Variants in PRMT3 observed in about 807,000 individuals in gnomAD.
PRMT3 encodes protein arginine N-methyltransferase 3.
In PRMT3, 62 loss-of-function variants were observed where a neutral mutation model predicts 71.9. That is an observed-to-expected ratio of 0.86 (90% CI 0.70 to 1.07). The LOEUF is 1.07. Ranked by LOEUF, PRMT3 falls within the 50% of genes least tolerant of loss-of-function variation. PRMT3 has a pLI of 0.00. For synonymous variants in PRMT3, 213 were observed against 220.4 expected (o/e 0.97, Z 0.30); for missense variants, 663 against 643.0 (o/e 1.03, Z -0.34).
At chr11:20,495,902 T>G (rs1354658849) in intron 15 of PRMT3, among the ~76,000 whole-genome samples, 1 of 152,158 alleles carries the variant, frequency 6.6e-6, no homozygotes, top group Non-Finnish European at 1.5e-5. Context: ...TGTCCATCAA[T>G]TGGGGGAAGA....
chr11:20,452,128 A>G lies in PRMT3; in HGVS notation c.994-2A>G, dbSNP rs1026594899. 2 of 1,596,320 alleles carry G rather than the reference A, an allele frequency of 1.3e-6. No homozygotes were observed. The highest frequency in any genetic ancestry group is 1.3e-5 in the African/African-American group (1 of 74,440). On this transcript the variant is annotated splice_acceptor_variant, in intron 10 of 15. Transcript: ENST00000331079. LOFTEE classifies it high-confidence loss of function. ...CTCTTTTTTTCCCCTTTTTTTATGC[A>G]GGGCTATTTTCTTCTGTTTGAGTCT... is the stretch of plus-strand genomic sequence containing the variant.
chr11:20,431,329 T>G (rs369919583), intron 10 of PRMT3, among the ~76,000 whole-genome samples: 1 of 152,158 alleles, frequency 6.6e-6, no homozygotes, highest in African/African-American at 2.4e-5. Context: ...AGTTTCCTTC[T>G]CTATAAAATG....
chr11:20,397,768 A>G, intron 7 of PRMT3, 47 bp downstream of exon 7: 2 of 1,593,354 alleles, frequency 1.3e-6, no homozygotes, highest in South Asian at 1.1e-5. Context: ...AAGGAAAAAT[A>G]GAACAGGTTC....
At chr11:20,454,585 C>T (rs1160844532) in intron 11 of PRMT3, among the ~76,000 whole-genome samples, 1 of 152,108 alleles carries the variant, frequency 6.6e-6, no homozygotes, top group Non-Finnish European at 1.5e-5. Context: ...AAAGAAAGTT[C>T]AGAAAAGAGT....
At chr11:20,423,907 A>G (rs976578725) in intron 9 of PRMT3, among the ~76,000 whole-genome samples, 11 of 136,542 alleles carry the variant, frequency 8.1e-5, no homozygotes, top group Admixed American at 7.5e-4. Context: ...AAAAAAGGCC[A>G]GGCGCGGTGG....
chr11:20,484,173 G>C (rs568641874), intron 13 of PRMT3, among the ~76,000 whole-genome samples: 2 of 152,146 alleles, frequency 1.3e-5, no homozygotes, highest in Non-Finnish European at 2.9e-5. Flanking sequence ...ATGCAGAGGC[G>C]AACAAAGAAA....
chr11:20,482,587 A>G (rs1248544886), intron 13 of PRMT3, among the ~76,000 whole-genome samples: 1 of 152,090 alleles, frequency 6.6e-6, no homozygotes. Context: ...AGATTGTGAT[A>G]AGAAATGAGT....
chr11:20,480,525 G>A (rs35011491), intron 13 of PRMT3, among the ~76,000 whole-genome samples: 5,285 of 152,194 alleles, frequency 0.035, 125 homozygotes, highest in Middle Eastern at 0.082. Flanking sequence ...CTATTTGGCC[G>A]TTTCAGTTGT....
At chr11:20,453,318 TAA>T (rs35130616) in intron 11 of PRMT3, among the ~76,000 whole-genome samples, 74 of 96,752 alleles carry the variant, frequency 7.6e-4, no homozygotes, top group South Asian at 6.9e-4. Context: ...CCGTCTTTAC[TAA>T]AAAAAAAAAA....
At chr11:20,474,885 G>T (rs1850741990) in intron 13 of PRMT3, among the ~76,000 whole-genome samples, 1 of 152,206 alleles carries the variant, frequency 6.6e-6, no homozygotes, top group Non-Finnish European at 1.5e-5. Flanking sequence ...GTTTCCATTG[G>T]CTGGAGCCAG....
chr11:20,427,005 A>G, intron 10 of PRMT3, 140 bp downstream of exon 10: 1 of 1,244,192 alleles, frequency 8.0e-7, no homozygotes, highest in Non-Finnish European at 1.0e-6. Flanking sequence ...TAGATACTAT[A>G]ATGTGTAATT....
chr11:20,452,249 T>C (rs1191208756), intron 11 of PRMT3, 41 bp downstream of exon 11: 2 of 1,460,518 alleles, frequency 1.4e-6, no homozygotes, highest in East Asian at 2.3e-5. Context: ...AATTTTAGTC[T>C]AGCAGAACCA....
rs1412280201 is a variant in PRMT3, at chr11:20,509,337, T to A, written c.*924T>A. The A allele has an allele frequency of 6.6e-6, 1 of 152,114 alleles. No individual in the cohort carries two copies. The highest frequency in any genetic ancestry group is 1.5e-5 in the Non-Finnish European group (1 of 68,032). 9.4% of individuals were successfully genotyped at this position (152,114 alleles called of 1,614,324 possible). A position where few individuals can be genotyped will look rare whatever the true frequency, so the allele number is the denominator to read the frequency against. ...TTCAATAAAATATATCAAACAACAT[T>A]ATAAAATATTTCAACAGGGTATGGT... On this transcript the variant is annotated 3_prime_UTR_variant, in exon 16 of 16. Coordinates refer to ENST00000331079, the MANE Select transcript of PRMT3 (RefSeq NM_005788.4).
chr11:20,404,538 G>T (rs1042580963), intron 8 of PRMT3, among the ~76,000 whole-genome samples: 1 of 151,932 alleles, frequency 6.6e-6, no homozygotes, highest in African/African-American at 2.4e-5. Context: ...GCCCTTCATA[G>T]TTTTTGTATT....
chr11:20,482,811 CAT>C (rs1324455054), intron 13 of PRMT3, among the ~76,000 whole-genome samples: 52 of 146,490 alleles, frequency 3.5e-4, no homozygotes, highest in African/African-American at 1.3e-3. Flanking sequence ...AATCACTCCT[CAT>C]GGAAAGACAA....
intron 3 of PRMT3, among the ~76,000 whole-genome samples, chr11:20,391,451 C>T (rs986458576): frequency 6.6e-6 from 1 of 152,146 alleles, no homozygotes; most frequent in Non-Finnish European, 1.5e-5. Context: ...CCATGTTGGT[C>T]AGGCTGGTCT....
rs982659992 is a variant in PRMT3 at position 20,493,852 on chromosome 11, C to T, written c.1348-67C>T. ...TTATCATTTGCCATGTCTTAAGAGA[C>T]AGTAATGAGTTATTATATTATGTAA... On this transcript the variant is annotated intron_variant, in intron 13 of 15. Coordinates refer to ENST00000331079, the MANE Select transcript of PRMT3 (RefSeq NM_005788.4). 2.8e-6 allele frequency: 3 copies of T among 1,056,512 alleles called. No individual in the cohort carries two copies. The Admixed American group carries it at 6.2e-5, about 22-fold the overall frequency. 65.4% of individuals were successfully genotyped at this position (1,056,512 alleles called of 1,614,324 possible).
intron 13 of PRMT3, among the ~76,000 whole-genome samples, chr11:20,485,822 G>A (rs879620839): frequency 1.3e-5 from 2 of 152,206 alleles, no homozygotes; most frequent in Admixed American, 6.5e-5. Context: ...AACAATTTAA[G>A]AAGTCAACAT....
intron 5 of PRMT3, among the ~76,000 whole-genome samples, 168 bp downstream of exon 5, chr11:20,393,167 G>A (rs1236334387): frequency 1.3e-5 from 2 of 152,116 alleles, no homozygotes; most frequent in African/African-American, 2.4e-5. Flanking sequence ...ACTAATAGTC[G>A]GCCAGGTGTG....
Sources: allele counts gnomAD v4.1 joint callset (sites outside exome capture counted in the v4.1 genomes callset), GRCh38; gene constraint gnomAD v4.1.1; transcripts MANE v1.5; gene names NCBI Gene and HGNC (gene_info 2026-07-23, HGNC 2026-07-21).